PRND: variants seen among roughly 807,000 people sequenced by gnomAD.
The protein encoded by PRND is prion like protein doppel.
For missense variants in PRND, 227 were observed against 223.3 expected (o/e 1.02, Z -0.11); for synonymous variants, 94 against 93.2 (o/e 1.01, Z -0.05).
Position 4,725,201 on chromosome 20 carries a change from G to T in PRND, c.*119G>T, listed in dbSNP as rs542430726. On this transcript the variant is annotated 3_prime_UTR_variant, in exon 2 of 2. Coordinates refer to ENST00000305817, the MANE Select transcript of PRND (RefSeq NM_012409.4). ...GGTGCCCAGGAGCGGCGATGCACTC[G>T]CACTGCAAATGCCGCTCTCACGTAT... The T allele has an allele frequency of 7.6e-7, 1 of 1,311,852 alleles. No individual in the cohort carries two copies. The highest frequency in any genetic ancestry group is 1.1e-6 in the Non-Finnish European group (1 of 945,188). The allele number at this position is 1,311,852 out of a possible 1,614,324, so 81.3% of individuals were successfully genotyped here. A position where few individuals can be genotyped will look rare whatever the true frequency, so the allele number is the denominator to read the frequency against.
At chr20:4,722,796 T>C (rs988835076) in intron 1 of PRND, among the ~76,000 whole-genome samples, 2 of 152,062 alleles carry the variant, frequency 1.3e-5, no homozygotes, top group African/African-American at 4.8e-5. Context: ...GGGAACTCCT[T>C]CCATTTCCCT....
chr20:4,723,871 G>A (rs1381029325), intron 1 of PRND, among the ~76,000 whole-genome samples: 2 of 151,840 alleles, frequency 1.3e-5, no homozygotes, highest in Non-Finnish European at 2.9e-5. Context: ...GTTCAGGGCT[G>A]CAATGAGCTA....
chr20:4,725,101 A>G lies in PRND; in HGVS notation c.*19A>G, dbSNP rs1923224839. The stretch of plus-strand genomic sequence containing the variant: ...GAAATAAGCTTGCCAGGAGGCTGGC[A>G]GTACAGAGTGCAGCAGCGAGCAAAT... On this transcript the variant is annotated 3_prime_UTR_variant, in exon 2 of 2. Transcript: ENST00000305817. The G allele has an allele frequency of 6.2e-7, 1 of 1,610,056 alleles. No individual in the cohort carries two copies.
rs147565180 is a variant in PRND, at chr20:4,724,550, C to T, written c.-2C>T. 2.1e-4 allele frequency: 346 copies of T among 1,613,752 alleles called. 1 individual carries two copies. The highest frequency in any genetic ancestry group is 1.3e-4 in the Non-Finnish European group (158 of 1,180,054). ...GCCGTTTCTCTGGCAGGTTCTGACG[C>T]GATGAGGAAGCACCTGAGCTGGTGG... On this transcript the variant is annotated 5_prime_UTR_variant, in exon 2 of 2. Transcript: ENST00000305817. This position sits in a 1 kb window ranked among gnomAD's most constrained non-coding sequence, Gnocchi z 4.8.
chr20:4,727,133 T>G lies in PRND; in HGVS notation c.*2051T>G, dbSNP rs1923294453. On this transcript the variant is annotated 3_prime_UTR_variant, in exon 2 of 2. Transcript: ENST00000305817. ...CTGACATTTCACTTCCTCGCTCTCC[T>G]AAGTTTAATTACAACAGCACGTGCA... 6.0e-6 allele frequency: 1 copy of G among 167,108 alleles called. No homozygotes were observed. The highest frequency in any genetic ancestry group is 2.4e-5 in the African/African-American group (1 of 41,454). The allele number at this position is 167,108 out of a possible 1,614,324, so 10.4% of individuals were successfully genotyped here. A position where few individuals can be genotyped will look rare whatever the true frequency, so the allele number is the denominator to read the frequency against.
chr20:4,724,154 A>T lies in PRND; in HGVS notation c.-11-387A>T, dbSNP rs1923191184. On this transcript the variant is annotated intron_variant, in intron 1 of 1. Transcript: ENST00000305817. The surrounding 1 kb of genome is among the most constrained non-coding windows in gnomAD (Gnocchi z 4.8). ...TATAGTCCATGCCCACCAGCATTTG[A>T]TTCCAACTCTTCTATTGTATTTTCC... 6.6e-6 allele frequency among the ~76,000 whole-genome samples: 1 copy of T among 151,908 alleles called. No individual in the cohort carries two copies. Among genetic ancestry groups the T allele is most frequent in the Admixed American group, 6.6e-5 (1 of 15,250 alleles).
At position 4,725,964 on chromosome 20, in the gene PRND, A is replaced by T; in HGVS notation, c.*882A>T. 1.3e-5 allele frequency: 2 copies of T among 159,616 alleles called. No individual in the cohort carries two copies. The allele number at this position is 159,616 out of a possible 1,614,324, so 9.9% of individuals were successfully genotyped here. ...CAGCCTCTGCCTCCCAGGCTCAAGC[A>T]CTTTTCCTGTCTCAGCCTTCCGAGT... On this transcript the variant is annotated 3_prime_UTR_variant, in exon 2 of 2. Coordinates refer to ENST00000305817, the MANE Select transcript of PRND (RefSeq NM_012409.4).
rs1329121463 is a variant in PRND at position 4,725,568 on chromosome 20, A to G, written c.*486A>G. ...TCCAGAGCTGTCTGGTGATCACTTT[A>G]TGTCTCACAGGGACCCACATCCAAA... On this transcript the variant is annotated 3_prime_UTR_variant, in exon 2 of 2. Coordinates refer to ENST00000305817, the MANE Select transcript of PRND (RefSeq NM_012409.4). 2.9e-5 allele frequency: 5 copies of G among 174,470 alleles called. No individual in the cohort carries two copies. In the Admixed American group the frequency reaches 2.9e-4, roughly 10 times the overall value. 10.8% of individuals were successfully genotyped at this position (174,470 alleles called of 1,614,324 possible). A position where few individuals can be genotyped will look rare whatever the true frequency, so the allele number is the denominator to read the frequency against.
chr20:4,722,937 C>T (rs913647702), intron 1 of PRND, among the ~76,000 whole-genome samples: 3 of 152,186 alleles, frequency 2.0e-5, no homozygotes, highest in East Asian at 1.9e-4. Flanking sequence ...GGGTGAGGGG[C>T]TTTTCCATGA....
chr20:4,725,036 C>T lies in PRND; in HGVS notation c.485C>T (p.Pro162Leu). ...GAGLRVTMHQ[P>L]VLLCLLALIW... is the part of the protein sequence containing the mutation. ...GGACTTCGGGTCACCATGCACCAGCCAGTGCTCCTCTGCCTTCTGGCTTTG... is the reference window on the plus strand; with the variant it reads ...GGACTTCGGGTCACCATGCACCAGCTAGTGCTCCTCTGCCTTCTGGCTTTG... Residue 162 changes from proline (P) to leucine (L), a missense_variant, in exon 2 of 2, where the codon CCA (proline) becomes CTA (leucine). Pro to Leu is a moderately conservative substitution (Grantham distance 98). Coordinates refer to ENST00000305817, the MANE Select transcript of PRND (RefSeq NM_012409.4). 1 of 1,613,518 alleles carries T rather than the reference C, an allele frequency of 6.2e-7. No homozygotes were observed. Among genetic ancestry groups the T allele is most frequent in the South Asian group, 1.1e-5 (1 of 91,062 alleles).
Position 4,726,385 on chromosome 20 carries a change from C to T in PRND, c.*1303C>T, listed in dbSNP as rs1267134005. 1 of 166,936 alleles carries T rather than the reference C, an allele frequency of 6.0e-6. No individual in the cohort carries two copies. Among genetic ancestry groups the T allele is most frequent in the African/African-American group, 2.4e-5 (1 of 41,386 alleles). 10.3% of individuals were successfully genotyped at this position (166,936 alleles called of 1,614,324 possible). ...TGAAGGCCATCATCTCTGTAAACCA[C>T]TTGTCACTACAAAAATACAATTACT... On this transcript the variant is annotated 3_prime_UTR_variant, in exon 2 of 2. Transcript: ENST00000305817.
chr20:4,724,887 C>G lies in PRND; in HGVS notation c.336C>G (p.Thr112=). 6.2e-7 allele frequency: 1 copy of G among 1,614,194 alleles called. No individual in the cohort carries two copies. The highest frequency in any genetic ancestry group is 2.2e-5 in the East Asian group (1 of 44,876). The stretch of plus-strand genomic sequence containing the variant: ...TTGTCACCGGCTGCATCAATGCCAC[C>G]CAGGCGGCGAACCAGGGGGAGTTCC... ...EAFVTGCINA[T]QAANQGEFQK... The change falls in exon 2 of 2, where the codon ACC becomes ACG. Residue 112 remains threonine, a synonymous_variant. Coordinates refer to ENST00000305817, the MANE Select transcript of PRND (RefSeq NM_012409.4). The surrounding 1 kb of genome is among the most constrained non-coding windows in gnomAD (Gnocchi z 4.8).
chr20:4,727,792 A>ATTTTTTTT lies in PRND; in HGVS notation c.*2710_*2711insTTTTTTTT. On this transcript the variant is annotated 3_prime_UTR_variant, in exon 2 of 2. Coordinates refer to ENST00000305817, the MANE Select transcript of PRND (RefSeq NM_012409.4). Reference sequence around the variant, plus strand: ...CAATGCTTTCTACTCATTTTTCTATACTTTTTTTTTTGAGGCAGAGTCTCA... The same window carrying ATTTTTTTT: ...CAATGCTTTCTACTCATTTTTCTATATTTTTTTTCTTTTTTTTTTGAGGCAGAGTCTCA... 9.8e-6 allele frequency: 1 copy of ATTTTTTTT among 101,548 alleles called. No homozygotes were observed. 6.3% of individuals were successfully genotyped at this position (101,548 alleles called of 1,614,324 possible).
At chr20:4,723,999 CGTAT>C (rs200537349) in intron 1 of PRND, among the ~76,000 whole-genome samples, 3,268 of 139,716 alleles carry the variant, frequency 0.023, 87 homozygotes, top group East Asian at 0.15. Context: ...TGTACATATA[CGTAT>C]ATATATATGT....
intron 1 of PRND, among the ~76,000 whole-genome samples, chr20:4,723,503 G>A (rs779994819): frequency 5.3e-5 from 8 of 152,136 alleles, no homozygotes; most frequent in South Asian, 2.1e-4. Flanking sequence ...CCTTTGCTAC[G>A]TTTCCATCTT....
At position 4,724,887 on chromosome 20, in the gene PRND, C is replaced by A. The variant is rs1292438930; in HGVS notation, c.336C>A (p.Thr112=). ...EAFVTGCINA[T]QAANQGEFQK... is the part of the protein sequence containing the mutation. ...TTGTCACCGGCTGCATCAATGCCACCCAGGCGGCGAACCAGGGGGAGTTCC... is the reference window on the plus strand; with the variant it reads ...TTGTCACCGGCTGCATCAATGCCACACAGGCGGCGAACCAGGGGGAGTTCC... The change falls in exon 2 of 2, where the codon ACC becomes ACA. Residue 112 remains threonine, a synonymous_variant. Coordinates refer to ENST00000305817, the MANE Select transcript of PRND (RefSeq NM_012409.4). This position sits in a 1 kb window ranked among gnomAD's most constrained non-coding sequence, Gnocchi z 4.8. 6.2e-7 allele frequency: 1 copy of A among 1,614,194 alleles called. No homozygotes were observed. The highest frequency in any genetic ancestry group is 2.2e-5 in the East Asian group (1 of 44,876).
In PRND at chr20:4,724,514, G is replaced by A. The variant is rs750936251; in HGVS notation, c.-11-27G>A. ...GGAGCCCAGGCAGGCCTGGTGGGGAGCTGACCCACCGCCGTTTCTCTGGCA... is the reference window on the plus strand; with the variant it reads ...GGAGCCCAGGCAGGCCTGGTGGGGAACTGACCCACCGCCGTTTCTCTGGCA... On this transcript the variant is annotated intron_variant, in intron 1 of 1. Coordinates refer to ENST00000305817, the MANE Select transcript of PRND (RefSeq NM_012409.4). This position sits in a 1 kb window ranked among gnomAD's most constrained non-coding sequence, Gnocchi z 4.8. 1.0e-4 allele frequency: 169 copies of A among 1,613,094 alleles called. 1 individual carries two copies. The highest frequency in any genetic ancestry group is 1.4e-4 in the Non-Finnish European group (162 of 1,179,904).
rs932392272 is a variant in PRND, at chr20:4,727,917, G to C, written c.*2835G>C. 23 of 160,428 alleles carry C rather than the reference G, an allele frequency of 1.4e-4. No homozygotes were observed. 9.9% of individuals were successfully genotyped at this position (160,428 alleles called of 1,614,324 possible). A position where few individuals can be genotyped will look rare whatever the true frequency, so the allele number is the denominator to read the frequency against. The stretch of plus-strand genomic sequence containing the variant: ...TCTCATGCCTCATCCTCCCAAGTAG[G>C]TGGGATTACAGGTGCCCACCACCAA... On this transcript the variant is annotated 3_prime_UTR_variant, in exon 2 of 2. Coordinates refer to ENST00000305817, the MANE Select transcript of PRND (RefSeq NM_012409.4).
Position 4,727,343 on chromosome 20 carries a change from G to A in PRND, c.*2261G>A, listed in dbSNP as rs763241291. ...AAATTTGTTTATGGGGCTTTTAATC[G>A]AACGCGTGTGTGCCTGAACATTCTT... On this transcript the variant is annotated 3_prime_UTR_variant, in exon 2 of 2. Transcript: ENST00000305817. The A allele has an allele frequency of 1.7e-4, 28 of 167,064 alleles. 1 individual carries two copies. Among genetic ancestry groups the A allele is most frequent in the South Asian group, 2.1e-4 (1 of 4,812 alleles). The allele number at this position is 167,064 out of a possible 1,614,324, so 10.3% of individuals were successfully genotyped here.
Sources: allele counts gnomAD v4.1 joint callset (sites outside exome capture counted in the v4.1 genomes callset), GRCh38; gene constraint gnomAD v4.1.1; non-coding constraint Gnocchi (gnomAD v3.1); transcripts MANE v1.5; gene names NCBI Gene and HGNC (gene_info 2026-07-23, HGNC 2026-07-21).